Variants in IL31RA observed in about 807,000 individuals in gnomAD.
IL31RA encodes the protein interleukin 31 receptor A, also known as interleukin-31 receptor subunit alpha.
In IL31RA, 66 loss-of-function variants were observed where a neutral mutation model predicts 83.7. That is an observed-to-expected ratio of 0.79 (90% CI 0.65 to 0.97). The LOEUF is 0.97. Among genes scored for constraint, IL31RA ranks in the 50% least tolerant of loss-of-function variants. The pLI is 0.00. For missense variants in IL31RA, 798 were observed against 919.4 expected (o/e 0.87, Z 1.71); for synonymous variants, 325 against 329.0 (o/e 0.99, Z 0.13).
At chr5:55,879,259 C>A (rs1250240090) in intron 4 of IL31RA, among the ~76,000 whole-genome samples, 1 of 151,894 alleles carries the variant, frequency 6.6e-6, no homozygotes, top group Admixed American at 6.6e-5. Context: ...AAACCAAGAC[C>A]ACTGATGTTT....
rs1749618578 is a variant in IL31RA at position 55,913,493 on chromosome 5, C to T, written c.1659C>T (p.Ile553=). The T allele has an allele frequency of 6.2e-7, 1 of 1,611,232 alleles. No homozygotes were observed. Among genetic ancestry groups the T allele is most frequent in the Non-Finnish European group, 8.5e-7 (1 of 1,177,426 alleles). The change falls in exon 13 of 15, where the codon ATC becomes ATT. Residue 553 remains isoleucine, a synonymous_variant. Coordinates refer to ENST00000652347, the MANE Select transcript of IL31RA (RefSeq NM_139017.7). ...TTTTCAAAGGTGTCTTTGAGATTAT[C>T]CTCATAACTTCTCTGATTGGTGGAG... ...KTLSFSVFEI[I]LITSLIGGGL... is the part of the protein sequence containing the mutation.
chr5:55,922,263 A>G lies in IL31RA; in HGVS notation c.*5143A>G, dbSNP rs1750130026. 4 of 746,626 alleles carry G rather than the reference A, an allele frequency of 5.4e-6. No homozygotes were observed. In the Admixed American group the frequency reaches 8.0e-5, roughly 15 times the overall value. The allele number at this position is 746,626 out of a possible 1,614,324, so 46.3% of individuals were successfully genotyped here. Reference sequence around the variant, plus strand: ...TGCCCAAGACGCTTGTCGTGTGCTGATGAAAAGGGCTGGGGAGAAGCAAGG... The same window carrying G: ...TGCCCAAGACGCTTGTCGTGTGCTGGTGAAAAGGGCTGGGGAGAAGCAAGG... On this transcript the variant is annotated 3_prime_UTR_variant, in exon 15 of 15. Coordinates refer to ENST00000652347, the MANE Select transcript of IL31RA (RefSeq NM_139017.7).
rs781738219 is a variant in IL31RA, at chr5:55,889,985, G to T, written c.622G>T (p.Ala208Ser). 5.0e-6 allele frequency: 8 copies of T among 1,614,042 alleles called. No homozygotes were observed. Among genetic ancestry groups the T allele is most frequent in the Non-Finnish European group, 6.8e-6 (8 of 1,179,940 alleles). ...TGTCTTGTAGATGGAAGTCAACTTC[G>T]CTAAGAACCGTAAGGATAAAAACCA... ...NSTSWMEVNF[A>S]KNRKDKNQTY... The change falls in exon 6 of 15, where the codon GCT becomes TCT. Residue 208 changes from alanine (A) to serine (S), a missense_variant. By Grantham distance (99) the Ala-to-Ser change is moderately conservative. Transcript: ENST00000652347.
chr5:55,839,817 G>C, the IL31RA span: 1 of 760,902 alleles, frequency 1.3e-6, no homozygotes, highest in Non-Finnish European at 2.5e-6. Flanking sequence ...TCCTTTTTCA[G>C]GGCCAATTTG....
chr5:55,872,531 A>G, intron 4 of IL31RA, 80 bp downstream of exon 4: 1 of 992,370 alleles, frequency 1.0e-6, no homozygotes, highest in Admixed American at 1.8e-5. Flanking sequence ...CTGTGGACTC[A>G]AAAGTAGGCT....
chr5:55,898,740 A>T (rs1204464201), intron 7 of IL31RA, among the ~76,000 whole-genome samples: 1 of 151,754 alleles, frequency 6.6e-6, no homozygotes, highest in Non-Finnish European at 1.5e-5. Context: ...TAAAAAAGAA[A>T]ATGGGGCTGG....
chr5:55,908,843 A>G, intron 11 of IL31RA: 2 of 1,361,174 alleles, frequency 1.5e-6, no homozygotes, highest in Non-Finnish European at 1.9e-6. Context: ...AATACTGGGC[A>G]AGGCTTGGAT....
intron 4 of IL31RA, among the ~76,000 whole-genome samples, chr5:55,879,813 T>A (rs1339177508): frequency 6.6e-6 from 1 of 152,004 alleles, no homozygotes; most frequent in East Asian, 1.9e-4. Context: ...CTGATGTCAC[T>A]TGATATAAAT....
In IL31RA at chr5:55,908,429, G is replaced by T. The variant is rs118134673; in HGVS notation, c.1501+18G>T. 2.5e-6 allele frequency: 4 copies of T among 1,614,060 alleles called. No homozygotes were observed. Among genetic ancestry groups the T allele is most frequent in the Non-Finnish European group, 3.4e-6 (4 of 1,180,050 alleles). ...AGGATTCTGTAAGCACGCCCATAGC[G>T]AAGTGGAAAAAAACCCCAAGCCCCA... On this transcript the variant is annotated intron_variant, in intron 11 of 14. Coordinates refer to ENST00000652347, the MANE Select transcript of IL31RA (RefSeq NM_139017.7).
rs1281710390 is a variant in IL31RA, at chr5:55,891,676, TCTCAAGATCATTAA to T, written c.772+1544_772+1557del. Among the ~76,000 whole-genome samples the T allele has an allele frequency of 3.4e-5, 5 of 148,320 alleles. No homozygotes were observed. In the South Asian group the frequency reaches 1.1e-3, roughly 33 times the overall value. On this transcript the variant is annotated intron_variant, in intron 6 of 14. Transcript: ENST00000652347. ...TGGCTAATCCAAGATAATGTTCCCATCTCAAGATCATTAACTTAATCACATCTGCAAAGTCCCTT... is the reference window on the plus strand; with the variant it reads ...TGGCTAATCCAAGATAATGTTCCCATCTTAATCACATCTGCAAAGTCCCTT...
intron 4 of IL31RA, among the ~76,000 whole-genome samples, chr5:55,882,589 A>G (rs1458849427): frequency 6.6e-6 from 1 of 152,246 alleles, no homozygotes; most frequent in Non-Finnish European, 1.5e-5. Flanking sequence ...AGAAAAATGC[A>G]TATTTTCAAA....
the IL31RA span, among the ~76,000 whole-genome samples, chr5:55,843,243 A>G: frequency 6.6e-6 from 1 of 152,208 alleles, no homozygotes. Flanking sequence ...GGTCCCAGAA[A>G]TCATGGTGGA....
chr5:55,913,522 T>G lies in IL31RA; in HGVS notation c.1688T>G (p.Leu563Arg). The change falls in exon 13 of 15, where the codon CTT becomes CGT. Residue 563 changes from leucine to arginine, a missense_variant. Physicochemically the swap from Leu to Arg is moderately radical, Grantham distance 102 (BLOSUM62 -2). Coordinates refer to ENST00000652347, the MANE Select transcript of IL31RA (RefSeq NM_139017.7). ...ILITSLIGGG[L>R]LILIILTVAY... Reference sequence around the variant, plus strand: ...ATAACTTCTCTGATTGGTGGAGGCCTTCTTATTCTCATTATCCTGACAGTG... The same window carrying G: ...ATAACTTCTCTGATTGGTGGAGGCCGTCTTATTCTCATTATCCTGACAGTG... 1 of 1,613,812 alleles carries G rather than the reference T, an allele frequency of 6.2e-7. No individual in the cohort carries two copies. Among genetic ancestry groups the G allele is most frequent in the Non-Finnish European group, 8.5e-7 (1 of 1,179,678 alleles).
intron 4 of IL31RA, among the ~76,000 whole-genome samples, chr5:55,876,133 C>T (rs565844124): frequency 2.0e-5 from 3 of 152,230 alleles, no homozygotes; most frequent in East Asian, 3.9e-4. Context: ...TTTGGGCTGG[C>T]GCGGTGGCTC....
rs556387798 is a variant in IL31RA at position 55,881,915 on chromosome 5, G to T, written c.455-1129G>T. Among the ~76,000 whole-genome samples the T allele has an allele frequency of 4.6e-5, 7 of 151,984 alleles. No homozygotes were observed. The East Asian group carries it at 5.8e-4, about 13-fold the overall frequency. The stretch of plus-strand genomic sequence containing the variant: ...TTTAGTAGAGATGGGGTTTCACTAT[G>T]TTGGCCAGGCTGGTCTTGAACCCCT... On this transcript the variant is annotated intron_variant, in intron 4 of 14. Coordinates refer to ENST00000652347, the MANE Select transcript of IL31RA (RefSeq NM_139017.7).
chr5:55,881,346 G>C (rs573707970), intron 4 of IL31RA, among the ~76,000 whole-genome samples: 6 of 151,832 alleles, frequency 4.0e-5, no homozygotes, highest in Middle Eastern at 3.4e-3. Context: ...AAAAGCTTTA[G>C]AGCAGGAATG....
At chr5:55,840,323 G>A in the IL31RA span, among the ~76,000 whole-genome samples, 1 of 152,164 alleles carries the variant, frequency 6.6e-6, no homozygotes, top group African/African-American at 2.4e-5. Context: ...TGGAGAACCT[G>A]TTGTTAAACA....
intron 1 of IL31RA, among the ~76,000 whole-genome samples, chr5:55,856,332 A>G (rs1745362942): frequency 6.6e-6 from 1 of 152,260 alleles, no homozygotes; most frequent in African/African-American, 2.4e-5. Context: ...CTGTACTCAA[A>G]TGAGATCCCA....
chr5:55,864,241 G>T (rs1003115285), intron 2 of IL31RA, among the ~76,000 whole-genome samples: 6 of 151,698 alleles, frequency 4.0e-5, no homozygotes, highest in African/African-American at 1.5e-4. Flanking sequence ...GTGAATATTT[G>T]TAAGAAACTT....
Sources: allele counts gnomAD v4.1 joint callset (sites outside exome capture counted in the v4.1 genomes callset), GRCh38; gene constraint gnomAD v4.1.1; transcripts MANE v1.5; gene names NCBI Gene and HGNC (gene_info 2026-07-23, HGNC 2026-07-21).